Variants in CAPN11 observed in about 807,000 individuals in gnomAD.
The protein encoded by CAPN11 is calpain 11.
CAPN11 carries 108 observed loss-of-function variants against 105.3 expected under a neutral mutation model. The ratio of observed to expected loss-of-function variants is 1.03; its 90% CI spans 0.88 to 1.20. CAPN11 has a LOEUF of 1.20. CAPN11 is among the 50% of genes most tolerant of loss of function. The pLI, the probability that CAPN11 is intolerant of heterozygous loss-of-function variation, is 0.00. For synonymous variants in CAPN11, 329 were observed against 344.5 expected (o/e 0.96, Z 0.50); for missense variants, 883 against 924.8 (o/e 0.95, Z 0.59).
intron 1 of CAPN11, among the ~76,000 whole-genome samples, chr6:44,159,909 T>C (rs1378263387): frequency 6.7e-6 from 1 of 150,254 alleles, no homozygotes; most frequent in Admixed American, 6.6e-5. Context: ...CCAAGGCAGG[T>C]GGATCATCTG....
chr6:44,180,888 C>T, intron 17 of CAPN11, 45 bp from the exon 18 acceptor site: 2 of 1,606,180 alleles, frequency 1.2e-6, no homozygotes, highest in Non-Finnish European at 1.7e-6. Flanking sequence ...CCCACGATAC[C>T]TCATTTACCC....
At chr6:44,161,412 C>A (rs757509307) in intron 1 of CAPN11, among the ~76,000 whole-genome samples, 2 of 152,142 alleles carry the variant, frequency 1.3e-5, no homozygotes, top group Non-Finnish European at 2.9e-5. Flanking sequence ...GTTGGCCAGG[C>A]GGGTCTTGAA....
At chr6:44,176,513 C>A in intron 9 of CAPN11, 68 bp from the exon 10 acceptor site, 2 of 1,450,454 alleles carry the variant, frequency 1.4e-6, no homozygotes, top group South Asian at 1.2e-5. Context: ...AAGAGGCAGT[C>A]CCCTGGAGAG....
At chr6:44,181,149 C>T (rs541828807) in intron 18 of CAPN11, 103 bp from the exon 19 acceptor site, 36 of 1,235,214 alleles carry the variant, frequency 2.9e-5, no homozygotes, top group African/African-American at 1.8e-4. Context: ...GCTACAGTAC[C>T]GGAACCCCAG....
At chr6:44,181,415 AC>A in intron 19 of CAPN11, 95 bp downstream of exon 19, 2 of 571,432 alleles carry the variant, frequency 3.5e-6, no homozygotes, top group Non-Finnish European at 5.4e-6. Context: ...CCAAGCCCTA[AC>A]CACACACACA....
Position 44,180,596 on chromosome 6 carries a change from G to A in CAPN11, c.1681-1G>A. On this transcript the variant is annotated splice_acceptor_variant, in intron 15 of 22. Coordinates refer to ENST00000398776, the MANE Select transcript of CAPN11 (RefSeq NM_007058.4). LOFTEE classifies it high-confidence loss of function. ...TCCCTTTCCTGCTCCCCGGCCCCCAGGAAAAGGTCTCTGAGGATGACATGG... is the reference window on the plus strand; with the variant it reads ...TCCCTTTCCTGCTCCCCGGCCCCCAAGAAAAGGTCTCTGAGGATGACATGG... 6.2e-7 allele frequency: 1 copy of A among 1,613,836 alleles called. No homozygotes were observed. The highest frequency in any genetic ancestry group is 8.5e-7 in the Non-Finnish European group (1 of 1,179,840).
At chr6:44,164,572 G>A (rs907013843) in intron 1 of CAPN11, among the ~76,000 whole-genome samples, 20 of 152,316 alleles carry the variant, frequency 1.3e-4, no homozygotes, top group African/African-American at 4.1e-4. Context: ...GGATGCTAGC[G>A]CAGCCCCAAG....
chr6:44,170,780 A>C (rs1770854666), intron 4 of CAPN11, among the ~76,000 whole-genome samples: 1 of 152,182 alleles, frequency 6.6e-6, no homozygotes, highest in Non-Finnish European at 1.5e-5. Context: ...TGGGGTATCA[A>C]ATAGGAGGGC....
In CAPN11 at chr6:44,180,620, G is replaced by T. The variant is rs1172680394; in HGVS notation, c.1704G>T (p.Met568Ile). 1.2e-6 allele frequency: 2 copies of T among 1,613,678 alleles called. No individual in the cohort carries two copies. The highest frequency in any genetic ancestry group is 1.7e-6 in the Non-Finnish European group (2 of 1,179,832). Reference sequence around the variant, plus strand: ...AGGAAAAGGTCTCTGAGGATGACATGGACCAGGACTTCCTACATTTGTTTA... The same window carrying T: ...AGGAAAAGGTCTCTGAGGATGACATTGACCAGGACTTCCTACATTTGTTTA... ...LQEEKVSEDD[M>I]DQDFLHLFKI... The change falls in exon 16 of 23, where the codon ATG becomes ATT. Residue 568 changes from methionine (M) to isoleucine (I), a missense_variant. Met to Ile is a conservative substitution (Grantham distance 10). Coordinates refer to ENST00000398776, the MANE Select transcript of CAPN11 (RefSeq NM_007058.4).
chr6:44,161,989 C>T, intron 1 of CAPN11: 1 of 442,480 alleles, frequency 2.3e-6, no homozygotes, highest in Non-Finnish European at 4.6e-6. Context: ...AGACTTTCCT[C>T]TACACTGAGG....
At chr6:44,169,021 C>T in intron 2 of CAPN11, 1 of 518,696 alleles carries the variant, frequency 1.9e-6, no homozygotes, top group Non-Finnish European at 3.7e-6. Context: ...GCCTCGAACT[C>T]CAGGGCTCAG....
At chr6:44,169,174 T>C (rs4714763) in intron 2 of CAPN11, 107 bp from the exon 3 acceptor site, 601,835 of 1,227,552 alleles carry the variant, frequency 0.49, 151,666 homozygotes, top group Non-Finnish European at 0.52. Flanking sequence ...GCTGAAGAGA[T>C]CCTCCCACCT....
chr6:44,171,927 G>C (rs143346258), intron 4 of CAPN11, among the ~76,000 whole-genome samples: 2,042 of 152,208 alleles, frequency 0.013, 51 homozygotes, highest in African/African-American at 0.047. Flanking sequence ...TTAGCCAGGT[G>C]GGGTGGCGGG....
In CAPN11 at chr6:44,177,424, G is replaced by T; in HGVS notation, c.1416+4G>T. The T allele has an allele frequency of 1.9e-6, 3 of 1,604,116 alleles. No homozygotes were observed. Among genetic ancestry groups the T allele is most frequent in the Non-Finnish European group, 2.6e-6 (3 of 1,172,892 alleles). ...CATTGGCTTTGTCCTCTACGCGGTG[G>T]GTGCCTGGCTGGTCTCGCCCGCCAC... On this transcript the variant is annotated splice_donor_region_variant and intron_variant, in intron 12 of 22. Transcript: ENST00000398776.
intron 7 of CAPN11, among the ~76,000 whole-genome samples, chr6:44,175,167 G>C (rs1404840293): frequency 6.6e-6 from 1 of 151,938 alleles, no homozygotes; most frequent in Non-Finnish European, 1.5e-5. Flanking sequence ...TCTGTATAAG[G>C]TTTACAGATT....
In CAPN11 at chr6:44,176,429, C is replaced by A. The variant is rs1024872310; in HGVS notation, c.1001+91C>A. ...CTGGTGTCCCATCTAGGAGAACAAC[C>A]TGTACAACAGGGCAAAGCTCCTCCC... On this transcript the variant is annotated intron_variant, in intron 9 of 22. Coordinates refer to ENST00000398776, the MANE Select transcript of CAPN11 (RefSeq NM_007058.4). 3 of 1,329,490 alleles carry A rather than the reference C, an allele frequency of 2.3e-6. No individual in the cohort carries two copies. In the South Asian group the frequency reaches 3.5e-5, roughly 16 times the overall value. 82.4% of individuals were successfully genotyped at this position (1,329,490 alleles called of 1,614,324 possible). A position where few individuals can be genotyped will look rare whatever the true frequency, so the allele number is the denominator to read the frequency against.
Position 44,172,317 on chromosome 6 carries a change from T to TAGCTGCC in CAPN11, c.425_426insAGCTGCC (p.Ile145GlyfsTer48), listed in dbSNP as rs1554130691. On this transcript the variant is annotated frameshift_variant, in exon 5 of 23. Transcript: ENST00000398776. LOFTEE classifies it high-confidence loss of function. ...GTCTTTCCAGGGGACTGCTGGCTGC[T>TAGCTGCC]GGCTGCCATCGGCTCCCTTACCACC... 1 of 1,554,728 alleles carries TAGCTGCC rather than the reference T, an allele frequency of 6.4e-7. No individual in the cohort carries two copies. Among genetic ancestry groups the TAGCTGCC allele is most frequent in the African/African-American group, 1.4e-5 (1 of 73,024 alleles).
At chr6:44,178,220 G>C (rs1772469088) in intron 12 of CAPN11, among the ~76,000 whole-genome samples, 1 of 152,114 alleles carries the variant, frequency 6.6e-6, no homozygotes, top group African/African-American at 2.4e-5. Context: ...CTGCGGGCCA[G>C]AGACATGAAG....
At position 44,163,733 on chromosome 6, in the gene CAPN11, C is replaced by T. The variant is rs529110943; in HGVS notation, c.17-3025C>T. Among the ~76,000 whole-genome samples the T allele has an allele frequency of 1.4e-3, 211 of 152,326 alleles. 1 individual carries two copies. Among genetic ancestry groups the T allele is most frequent in the African/African-American group, 5.0e-3 (207 of 41,570 alleles). ...TTTAGAAATGCTATATAAGTGCTCACTACTCATAACTGAGGCAGGATTCCT... is the reference window on the plus strand; with the variant it reads ...TTTAGAAATGCTATATAAGTGCTCATTACTCATAACTGAGGCAGGATTCCT... On this transcript the variant is annotated intron_variant, in intron 1 of 22. Coordinates refer to ENST00000398776, the MANE Select transcript of CAPN11 (RefSeq NM_007058.4).
Sources: allele counts gnomAD v4.1 joint callset (sites outside exome capture counted in the v4.1 genomes callset), GRCh38; gene constraint gnomAD v4.1.1; transcripts MANE v1.5; gene names NCBI Gene and HGNC (gene_info 2026-07-23, HGNC 2026-07-21).